Variants in TLCD3B observed in about 807,000 individuals in gnomAD.
TLCD3B encodes the protein TLC domain containing 3B.
Under a neutral mutation model 23.0 loss-of-function variants are expected in TLCD3B, and 9 were observed. The observed-to-expected ratio is 0.39, with a 90% CI of 0.24 to 0.68. TLCD3B has a LOEUF of 0.68. TLCD3B is among the 30% of genes least tolerant of loss of function. TLCD3B has a pLI of 0.44. For synonymous variants in TLCD3B, 161 were observed against 161.0 expected, an observed-to-expected ratio of 1.00 and a Z score of 0.00; for missense variants, 307 against 371.8, an observed-to-expected ratio of 0.83 and a Z score of 1.43.
At position 30,039,162 on chromosome 16, in the gene TLCD3B, T is replaced by A. The variant is rs560416807; in HGVS notation, c.-67+1833A>T. ...TGGAGGTTCGCTCTTGTTATCCAGGTATCCAGGCTGGAGCGCAATAGCGCA... is the reference window on the plus strand; with the variant it reads ...TGGAGGTTCGCTCTTGTTATCCAGGAATCCAGGCTGGAGCGCAATAGCGCA... On this transcript the variant is annotated intron_variant, in intron 3 of 6. Coordinates refer to the TLCD3B transcript ENST00000561666. Among the ~76,000 whole-genome samples the A allele has an allele frequency of 3.6e-5, 5 of 138,328 alleles. No individual in the cohort carries two copies. In the Admixed American group the frequency reaches 3.9e-4, roughly 11 times the overall value. The allele number at this position is 138,328 out of a possible 152,430, so 90.7% of individuals were successfully genotyped here. A position where few individuals can be genotyped will look rare whatever the true frequency, so the allele number is the denominator to read the frequency against.
chr16:30,034,204 G>A (rs930561492), upstream of TLCD3B, among the ~76,000 whole-genome samples: 4 of 151,872 alleles, frequency 2.6e-5, no homozygotes, highest in Non-Finnish European at 1.5e-5. Flanking sequence ...CACTTGTCAG[G>A]GAGGTCAAGG....
Position 30,025,425 on chromosome 16 carries a change from G to A in TLCD3B, c.583C>T (p.Leu195=), listed in dbSNP as rs753974540. ...HTLLHKVNGA[L]MLLSFLCCRV... is the part of the protein sequence containing the mutation. ...CAGCAGAGGAAGCTGAGCAGCATCA[G>A]GGCCCCGTTCACCTTGTGCAGCAGT... The change falls in exon 5 of 5, where the codon CTG becomes TTG. Residue 195 remains leucine (L), a synonymous_variant. Coordinates refer to ENST00000380495, the MANE Select transcript of TLCD3B (RefSeq NM_031478.6). The surrounding 1 kb of genome is among the most constrained non-coding windows in gnomAD (Gnocchi z 4.1). 6.2e-7 allele frequency: 1 copy of A among 1,612,528 alleles called. No individual in the cohort carries two copies. The highest frequency in any genetic ancestry group is 1.1e-5 in the South Asian group (1 of 90,904).
At chr16:30,043,278 T>G (rs2071605878) in intron 2 of TLCD3B, among the ~76,000 whole-genome samples, 1 of 151,962 alleles carries the variant, frequency 6.6e-6, no homozygotes, top group Non-Finnish European at 1.5e-5. Flanking sequence ...CTTGATGAAG[T>G]ACACTGGTAC....
chr16:30,035,283 CTGAAAG>C (rs2071445861), upstream of TLCD3B: 1 of 1,274,832 alleles, frequency 7.8e-7, no homozygotes, highest in African/African-American at 1.5e-5. Context: ...CAAACTCATT[CTGAAAG>C]TAAAAGATCA....
At chr16:30,027,893 G>A (rs2150979194) in intron 2 of TLCD3B, among the ~76,000 whole-genome samples, 1 of 152,210 alleles carries the variant, frequency 6.6e-6, no homozygotes, top group East Asian at 1.9e-4. Context: ...GCACGTGGAG[G>A]AGGCTGTGGA....
chr16:30,048,187 A>G (rs1373900269), intron 1 of TLCD3B, among the ~76,000 whole-genome samples: 1 of 151,790 alleles, frequency 6.6e-6, no homozygotes, highest in East Asian at 1.9e-4. Context: ...CAAACAAAAA[A>G]ACTCCTGGGC....
intron 3 of TLCD3B, among the ~76,000 whole-genome samples, chr16:30,040,368 T>C (rs1002283885): frequency 3.3e-5 from 5 of 151,926 alleles, no homozygotes; most frequent in Admixed American, 3.3e-4. Flanking sequence ...TTTATATACA[T>C]GTTCCCGTTT....
At chr16:30,034,915 C>CTT (rs397855495), upstream of TLCD3B, among the ~76,000 whole-genome samples, 5 of 138,816 alleles carry the variant, frequency 3.6e-5, no homozygotes, top group South Asian at 2.3e-4. Flanking sequence ...TTTTCTTTTT[C>CTT]TTTTTTTTTT....
chr16:30,025,051 C>T lies in TLCD3B; in HGVS notation c.*132G>A. The T allele has an allele frequency of 3.3e-6, 2 of 613,528 alleles. No individual in the cohort carries two copies. Among genetic ancestry groups the T allele is most frequent in the Non-Finnish European group, 5.4e-6 (2 of 370,546 alleles). The allele number at this position is 613,528 out of a possible 1,614,324, so 38.0% of individuals were successfully genotyped here. A position where few individuals can be genotyped will look rare whatever the true frequency, so the allele number is the denominator to read the frequency against. ...AGTCCCCGAGAGATGGGGCCTCTTC[C>T]CTTTCGGGGTCATCGTCAGTCCTGG... On this transcript the variant is annotated 3_prime_UTR_variant, in exon 5 of 5. Coordinates refer to ENST00000380495, the MANE Select transcript of TLCD3B (RefSeq NM_031478.6). The surrounding 1 kb of genome is among the most constrained non-coding windows in gnomAD (Gnocchi z 4.1).
chr16:30,039,984 A>G (rs529688758), intron 3 of TLCD3B, among the ~76,000 whole-genome samples: 6 of 151,744 alleles, frequency 4.0e-5, no homozygotes, highest in African/African-American at 1.4e-4. Flanking sequence ...AAATACAAAA[A>G]TTAGCCAGGT....
intron 1 of TLCD3B, among the ~76,000 whole-genome samples, chr16:30,047,167 G>A (rs568387889): frequency 4.7e-4 from 69 of 148,074 alleles, no homozygotes; most frequent in South Asian, 2.3e-3. Flanking sequence ...CTGTCTGTCT[G>A]TCTATCTATC....
intron 1 of TLCD3B, among the ~76,000 whole-genome samples, chr16:30,052,050 T>G (rs1338468755): frequency 6.6e-6 from 1 of 151,682 alleles, no homozygotes; most frequent in Admixed American, 6.6e-5. Context: ...CTTAACAACA[T>G]AGCAAGACCA....
intron 3 of TLCD3B, among the ~76,000 whole-genome samples, chr16:30,037,942 A>G (rs1377039441): frequency 6.6e-6 from 1 of 152,186 alleles, no homozygotes; most frequent in East Asian, 1.9e-4. Flanking sequence ...AATTCAGAAA[A>G]GCAAAACATC....
In TLCD3B at chr16:30,030,631, G is replaced by A; in HGVS notation, c.-104C>T. On this transcript the variant is annotated 5_prime_UTR_variant, in exon 1 of 5. Transcript: ENST00000380495. ...GAAGGGACGCCAAGCCCGGGAAGGA[G>A]GGAGAAAACGATGAGAAGGGGCACA... 6 of 1,412,130 alleles carry A rather than the reference G, an allele frequency of 4.2e-6. No homozygotes were observed. Among genetic ancestry groups the A allele is most frequent in the Non-Finnish European group, 5.5e-6 (6 of 1,085,080 alleles). The allele number at this position is 1,412,130 out of a possible 1,614,324, so 87.5% of individuals were successfully genotyped here. A position where few individuals can be genotyped will look rare whatever the true frequency, so the allele number is the denominator to read the frequency against.
chr16:30,026,883 A>G (rs755410494), intron 2 of TLCD3B, 40 bp from the exon 3 acceptor site: 2 of 1,546,054 alleles, frequency 1.3e-6, no homozygotes, highest in South Asian at 2.3e-5. Flanking sequence ...CAAGGAGGAA[A>G]GGGGACACCA....
chr16:30,036,841 T>C (rs1315174059), intron 3 of TLCD3B, among the ~76,000 whole-genome samples: 1 of 151,908 alleles, frequency 6.6e-6, no homozygotes, highest in Non-Finnish European at 1.5e-5. Flanking sequence ...TCCCAGCACT[T>C]TGGGAGGCTG....
chr16:30,039,103 C>CTTTTTTTTTTTTTT lies in TLCD3B; in HGVS notation c.-67+1878_-67+1891dup, dbSNP rs1018184417. Among the ~76,000 whole-genome samples, 13 of 99,614 alleles carry CTTTTTTTTTTTTTT rather than the reference C, an allele frequency of 1.3e-4. 4 individuals are homozygous for CTTTTTTTTTTTTTT. The highest frequency in any genetic ancestry group is 1.7e-4 in the African/African-American group (4 of 24,230). The allele number at this position is 99,614 out of a possible 152,430, so 65.4% of individuals were successfully genotyped here. ...TTATCCTTCTCCTCCTCCTTCCTCTCTTTTTTTTTTTTTTTTTTTTTTTTT... is the reference window on the plus strand; with the variant it reads ...TTATCCTTCTCCTCCTCCTTCCTCTCTTTTTTTTTTTTTTTTTTTTTTTTTTTTTTTTTTTTTTT... On this transcript the variant is annotated intron_variant, in intron 3 of 6. Transcript: ENST00000561666.
rs2071158935 is a variant in TLCD3B, at chr16:30,026,738, A to G, written c.315T>C (p.His105=). 1 of 1,614,058 alleles carries G rather than the reference A, an allele frequency of 6.2e-7. No homozygotes were observed. Residue 105 remains histidine (H), a synonymous_variant, in exon 3 of 5, where the codon CAT becomes CAC. Transcript: ENST00000380495. ...CTCTGGCCGCTCCGTCGTCCCCTCCATGCCCTTTGACCTGGTGCTTGTGCC... is the reference window on the plus strand; with the variant it reads ...CTCTGGCCGCTCCGTCGTCCCCTCCGTGCCCTTTGACCTGGTGCTTGTGCC... The part of the protein sequence containing the change: ...CHWHKHQVKG[H]GGDDGAARAP...
chr16:30,048,765 C>A (rs2071709666), intron 1 of TLCD3B, among the ~76,000 whole-genome samples: 1 of 151,890 alleles, frequency 6.6e-6, no homozygotes, highest in Admixed American at 6.6e-5. Context: ...CACCACCACG[C>A]CCAGCTATTT....
Sources: allele counts gnomAD v4.1 joint callset (sites outside exome capture counted in the v4.1 genomes callset), GRCh38; gene constraint gnomAD v4.1.1; non-coding constraint Gnocchi (gnomAD v3.1); transcripts MANE v1.5; gene names NCBI Gene and HGNC (gene_info 2026-07-23, HGNC 2026-07-21).